SENP7: variants seen among roughly 807,000 people sequenced by gnomAD.
SENP7 encodes SUMO specific peptidase 7.
SENP7 carries 64 observed loss-of-function variants against 141.2 expected under a neutral mutation model. That is an observed-to-expected ratio of 0.45 (90% CI 0.37 to 0.56). The LOEUF (loss-of-function observed/expected upper bound fraction) is 0.56, where lower values mean the gene tolerates loss of function less well. Among genes scored for constraint, SENP7 ranks in the 20% least tolerant of loss-of-function variants. The probability of loss-of-function intolerance (pLI) is 0.00; values close to 1 mark genes in which losing one functional copy is unlikely to be tolerated. For synonymous variants in SENP7, 382 were observed against 426.4 expected (o/e 0.90, Z 1.28); for missense variants, 1,025 against 1,212.2 (o/e 0.85, Z 2.29).
At chr3:101,478,983 AT>A (rs372782436) in intron 3 of SENP7, among the ~76,000 whole-genome samples, 6 of 152,112 alleles carry the variant, frequency 3.9e-5, no homozygotes, top group African/African-American at 7.2e-5. Context: ...GCAAAAAAAA[AT>A]TTGATAAAAT....
At chr3:101,438,759 C>CA (rs897593243) in intron 4 of SENP7, among the ~76,000 whole-genome samples, 16 of 152,162 alleles carry the variant, frequency 1.1e-4, no homozygotes, top group Non-Finnish European at 4.4e-5. Context: ...AGGGCGTGAC[C>CA]AGATGGCTTC....
intron 6 of SENP7, among the ~76,000 whole-genome samples, chr3:101,372,642 T>C (rs988387201): frequency 2.0e-5 from 3 of 152,070 alleles, no homozygotes; most frequent in Admixed American, 6.5e-5. Context: ...TTTGGAATGA[T>C]AGTCACAATG....
In SENP7 at chr3:101,357,896, C is replaced by T. The variant is rs551536114; in HGVS notation, c.1623+3819G>A. ...TTAAGCTGCCTCTAACCTTACTACA[C>T]ATAAGATAATTCACACTGGAGAGAA... is the stretch of plus-strand genomic sequence containing the variant. On this transcript the variant is annotated intron_variant, in intron 11 of 23. Transcript: ENST00000394095. 5.6e-5 allele frequency: 32 copies of T among 574,050 alleles called. No individual in the cohort carries two copies. The East Asian group carries it at 1.4e-3, about 25-fold the overall frequency. 35.6% of individuals were successfully genotyped at this position (574,050 alleles called of 1,614,324 possible). A position where few individuals can be genotyped will look rare whatever the true frequency, so the allele number is the denominator to read the frequency against.
At chr3:101,478,543 G>T (rs1002663705) in intron 3 of SENP7, among the ~76,000 whole-genome samples, 1 of 151,940 alleles carries the variant, frequency 6.6e-6, no homozygotes, top group Non-Finnish European at 1.5e-5. Flanking sequence ...ATTTTAAAAG[G>T]TTGAATAATA....
At chr3:101,391,547 G>A (rs2060816383) in intron 6 of SENP7, among the ~76,000 whole-genome samples, 2 of 152,042 alleles carry the variant, frequency 1.3e-5, no homozygotes, top group African/African-American at 4.8e-5. Flanking sequence ...GGAAGAAAGA[G>A]AAAACCTGAA....
At chr3:101,383,211 G>C (rs1487234221) in intron 6 of SENP7, among the ~76,000 whole-genome samples, 1 of 152,144 alleles carries the variant, frequency 6.6e-6, no homozygotes, top group African/African-American at 2.4e-5. Context: ...CTGGTTAAGA[G>C]TGTGTAGCAG....
intron 13 of SENP7, among the ~76,000 whole-genome samples, chr3:101,345,553 G>A (rs2059434763): frequency 6.6e-6 from 1 of 152,184 alleles, no homozygotes; most frequent in Non-Finnish European, 1.5e-5. Context: ...CGCTGTTGGT[G>A]TATAGCAGAG....
chr3:101,465,650 A>C (rs1483742034), intron 3 of SENP7, among the ~76,000 whole-genome samples: 2 of 150,772 alleles, frequency 1.3e-5, no homozygotes, highest in African/African-American at 4.9e-5. Flanking sequence ...TATAGGAAAA[A>C]GTTTTTCCCT....
chr3:101,463,396 T>TACACATATATATATATATATAC (rs1553744609), intron 3 of SENP7, among the ~76,000 whole-genome samples: 4 of 82,864 alleles, frequency 4.8e-5, no homozygotes, highest in Non-Finnish European at 6.8e-5. Flanking sequence ...TATATATATA[T>TACACATATATATATATATATAC]ACATATATAT....
At chr3:101,506,655 T>C (rs1002993464) in intron 1 of SENP7, among the ~76,000 whole-genome samples, 1 of 152,212 alleles carries the variant, frequency 6.6e-6, no homozygotes. Context: ...TGATGGAATC[T>C]GATAATTATC....
chr3:101,408,307 A>C (rs999351367), intron 5 of SENP7, among the ~76,000 whole-genome samples: 3 of 152,164 alleles, frequency 2.0e-5, no homozygotes, highest in African/African-American at 7.2e-5. Context: ...CCAACAACAA[A>C]AAAAAGCCCA....
chr3:101,459,187 T>C, intron 3 of SENP7, 135 bp from the exon 4 acceptor site: 1 of 461,258 alleles, frequency 2.2e-6, no homozygotes, highest in African/African-American at 2.0e-5. Flanking sequence ...ATAAGTGCAA[T>C]CTATGGAATA....
At chr3:101,333,866 T>C (rs879335143) in intron 17 of SENP7, among the ~76,000 whole-genome samples, 1 of 152,112 alleles carries the variant, frequency 6.6e-6, no homozygotes. Context: ...CCCCAACCTT[T>C]TTGGCACCAG....
At chr3:101,380,622 T>C (rs2060475430) in intron 6 of SENP7, among the ~76,000 whole-genome samples, 1 of 134,628 alleles carries the variant, frequency 7.4e-6, no homozygotes. Context: ...CTGGGCAACA[T>C]AGCAAGACCT....
chr3:101,436,634 C>CA (rs1379677841), intron 4 of SENP7, among the ~76,000 whole-genome samples: 11 of 148,684 alleles, frequency 7.4e-5, no homozygotes, highest in African/African-American at 1.2e-4. Context: ...GATATTTTTC[C>CA]AAAAAAAAAG....
At chr3:101,455,122 C>T (rs555838941) in intron 4 of SENP7, among the ~76,000 whole-genome samples, 1 of 152,158 alleles carries the variant, frequency 6.6e-6, no homozygotes. Flanking sequence ...GGAAACTTTC[C>T]CCCTCCCCAG....
intron 11 of SENP7, chr3:101,358,865 C>G (rs1274401444): frequency 6.5e-6 from 1 of 153,494 alleles, no homozygotes; most frequent in African/African-American, 2.4e-5. Context: ...AAACTCCTGA[C>G]CTCAGATGAT....
chr3:101,359,440 G>A (rs1018502671), intron 11 of SENP7, among the ~76,000 whole-genome samples: 3 of 150,570 alleles, frequency 2.0e-5, no homozygotes, highest in Non-Finnish European at 3.0e-5. Context: ...CTGCAAACAG[G>A]GATAGTTTGA....
chr3:101,391,856 C>A (rs185235176), intron 6 of SENP7, among the ~76,000 whole-genome samples: 1 of 152,080 alleles, frequency 6.6e-6, no homozygotes, highest in Non-Finnish European at 1.5e-5. Context: ...CAGAATCCAA[C>A]CACACATCAA....
Sources: gnomAD v4.1 joint callset for allele counts (sites outside exome capture counted in the v4.1 genomes callset) on GRCh38, gnomAD v4.1.1 for gene constraint, MANE v1.5 for transcripts, NCBI Gene and HGNC (gene_info 2026-07-23, HGNC 2026-07-21) for gene names.